Variants in TNS1 observed in about 807,000 individuals in gnomAD.
The protein encoded by TNS1 is tensin 1, also known as tensin-1.
Under a neutral mutation model 168.6 loss-of-function variants are expected in TNS1, and 62 were observed. The ratio of observed to expected loss-of-function variants is 0.37; its 90% CI spans 0.30 to 0.45. TNS1 has a LOEUF of 0.45. Among genes scored for constraint, TNS1 ranks in the 20% least tolerant of loss-of-function variants. The pLI is 1.00. For missense variants in TNS1, 2,240 were observed against 2,339.4 expected (o/e 0.96, Z 0.88); for synonymous variants, 934 against 933.2 (o/e 1.00, Z -0.02).
chr2:217,917,850 A>T (rs556119190), intron 4 of TNS1, among the ~76,000 whole-genome samples: 2 of 147,530 alleles, frequency 1.4e-5, no homozygotes, highest in South Asian at 4.3e-4. Flanking sequence ...AAAAAAAAAG[A>T]CTTGCGACTG....
At chr2:217,844,769 T>A (rs1177427512) in intron 19 of TNS1, among the ~76,000 whole-genome samples, 1 of 152,194 alleles carries the variant, frequency 6.6e-6, no homozygotes, top group Non-Finnish European at 1.5e-5. Context: ...TCCTTAAGGA[T>A]AAGATCCATA....
intron 18 of TNS1, among the ~76,000 whole-genome samples, chr2:217,851,440 T>C (rs1947471027): frequency 7.2e-6 from 1 of 139,728 alleles, no homozygotes; most frequent in Non-Finnish European, 1.6e-5. Flanking sequence ...TGCATCCCTC[T>C]ACACACACAC....
chr2:217,887,005 C>T (rs74387521), intron 12 of TNS1, among the ~76,000 whole-genome samples: 2,424 of 152,262 alleles, frequency 0.016, 56 homozygotes, highest in African/African-American at 0.055. Context: ...TGACAGGCAT[C>T]ATTTAGCTGC....
chr2:217,822,631 A>G (rs1027572394), intron 22 of TNS1, among the ~76,000 whole-genome samples: 2 of 152,202 alleles, frequency 1.3e-5, no homozygotes, highest in African/African-American at 4.8e-5. Flanking sequence ...TGAGCAGTTT[A>G]GTTTACAGAG....
At chr2:217,898,058 G>A in intron 7 of TNS1, 89 bp from the exon 8 acceptor site, 1 of 1,411,986 alleles carries the variant, frequency 7.1e-7, no homozygotes, top group East Asian at 2.7e-5. Context: ...CACACCCTGT[G>A]TGACCCCCAT....
chr2:217,924,447 A>C (rs1009393193), intron 3 of TNS1, among the ~76,000 whole-genome samples: 1 of 152,228 alleles, frequency 6.6e-6, no homozygotes, highest in Non-Finnish European at 1.5e-5. Flanking sequence ...CCTCCTCTAG[A>C]AAACAAGTGT....
Position 217,973,366 on chromosome 2 carries a change from T to C in TNS1, c.186+5399A>G, listed in dbSNP as rs1425377496. On this transcript the variant is annotated intron_variant, in intron 3 of 32. Coordinates refer to ENST00000682258, the MANE Select transcript of TNS1 (RefSeq NM_001387777.1). ...GGGCAACAGAGTGAGATCCTGTCTC[T>C]GAAAAAAAAAAAAAAAAAAAAAAAT... 1.7e-4 allele frequency among the ~76,000 whole-genome samples: 13 copies of C among 78,160 alleles called. No individual in the cohort carries two copies. In the South Asian group the frequency reaches 6.1e-3, roughly 37 times the overall value. The allele number at this position is 78,160 out of a possible 152,430, so 51.3% of individuals were successfully genotyped here. A position where few individuals can be genotyped will look rare whatever the true frequency, so the allele number is the denominator to read the frequency against.
chr2:217,822,076 G>A, intron 22 of TNS1, 138 bp from the exon 23 acceptor site: 1 of 963,730 alleles, frequency 1.0e-6, no homozygotes, highest in Non-Finnish European at 1.5e-6. Flanking sequence ...GGACAGGCAG[G>A]GCTCCTGCCT....
intron 22 of TNS1, chr2:217,830,417 AAT>A (rs754546873): frequency 6.2e-7 from 1 of 1,612,960 alleles, no homozygotes; most frequent in East Asian, 2.2e-5. Context: ...AGTTGACCCC[AAT>A]AGCCCCCACC....
chr2:218,029,486 C>A (rs1382877989), intron 1 of TNS1, among the ~76,000 whole-genome samples: 1 of 152,160 alleles, frequency 6.6e-6, no homozygotes, highest in Non-Finnish European at 1.5e-5. Context: ...CTCACAGTAG[C>A]CCAAAACTAG....
intron 4 of TNS1, 114 bp from the exon 5 acceptor site, chr2:217,907,365 T>G: frequency 1.5e-6 from 1 of 676,940 alleles, no homozygotes; most frequent in Non-Finnish European, 2.7e-6. Context: ...ACAGGGATGA[T>G]GAGGCCAACC....
chr2:217,810,469 T>C (rs747665265), intron 28 of TNS1, 150 bp from the exon 29 acceptor site: 1 of 701,302 alleles, frequency 1.4e-6, no homozygotes, highest in Non-Finnish European at 2.5e-6. Context: ...TTAGGCTCAG[T>C]CTGAACGTTT....
chr2:217,840,787 C>G (rs1945844194), intron 19 of TNS1, among the ~76,000 whole-genome samples: 1 of 152,234 alleles, frequency 6.6e-6, no homozygotes, highest in South Asian at 2.1e-4. Flanking sequence ...CCAGAGCCCT[C>G]CTGAGCACCC....
rs1471509672 is a variant in TNS1, at chr2:217,809,478, T to C, written c.5273+345A>G. 3.7e-3 allele frequency among the ~76,000 whole-genome samples: 305 copies of C among 83,052 alleles called. 36 individuals carry two copies. Among genetic ancestry groups the C allele is most frequent in the African/African-American group, 0.01 (151 of 14,920 alleles). 54.5% of individuals were successfully genotyped at this position (83,052 alleles called of 152,430 possible). On this transcript the variant is annotated intron_variant, in intron 30 of 32. Coordinates refer to ENST00000682258, the MANE Select transcript of TNS1 (RefSeq NM_001387777.1). ...ATGGATGCATGGATGGATGGATGGATGGATGGATGGATGCATGGATGGATG... is the reference window on the plus strand; with the variant it reads ...ATGGATGCATGGATGGATGGATGGACGGATGGATGGATGCATGGATGGATG...
chr2:217,929,261 G>A (rs1164485629), intron 3 of TNS1, among the ~76,000 whole-genome samples: 1 of 152,184 alleles, frequency 6.6e-6, no homozygotes, highest in Admixed American at 6.5e-5. Flanking sequence ...AACCCAAGCG[G>A]GGATCTCAAG....
chr2:217,835,921 C>T, intron 20 of TNS1, 94 bp downstream of exon 20: 1 of 1,119,384 alleles, frequency 8.9e-7, no homozygotes, highest in African/African-American at 1.5e-5. Flanking sequence ...ACTGAGTATA[C>T]TGATATCAGT....
chr2:217,825,558 C>T (rs1051825519), intron 22 of TNS1, among the ~76,000 whole-genome samples: 3 of 152,190 alleles, frequency 2.0e-5, no homozygotes, highest in Non-Finnish European at 4.4e-5. Flanking sequence ...TTCACATTGC[C>T]CTACGCCCCA....
At chr2:217,981,067 A>G (rs1452990748) in intron 2 of TNS1, among the ~76,000 whole-genome samples, 1 of 151,924 alleles carries the variant, frequency 6.6e-6, no homozygotes, top group Admixed American at 6.6e-5. Context: ...CCCACACTAC[A>G]CTCAGAGGGC....
intron 22 of TNS1, 57 bp from the exon 23 acceptor site, chr2:217,821,995 G>T (rs745694716): frequency 2.7e-6 from 4 of 1,499,266 alleles, no homozygotes; most frequent in East Asian, 5.2e-5. Flanking sequence ...GTGCAGTGCA[G>T]GTCCCCCCCA....
Sources: gnomAD v4.1 joint callset for allele counts (sites outside exome capture counted in the v4.1 genomes callset) on GRCh38, gnomAD v4.1.1 for gene constraint, MANE v1.5 for transcripts, NCBI Gene and HGNC (gene_info 2026-07-23, HGNC 2026-07-21) for gene names.